The following NUP160 variants were observed in gnomAD, a reference collection of about 807,000 sequenced individuals.
NUP160 encodes the protein nuclear pore complex protein Nup160.
Under a neutral mutation model 196.9 loss-of-function variants are expected in NUP160, and 94 were observed. The observed-to-expected ratio is 0.48, with a 90% CI of 0.40 to 0.57. NUP160 has a LOEUF of 0.57. Among genes scored for constraint, NUP160 ranks in the 20% least tolerant of loss-of-function variants. The pLI is 0.00. For missense variants in NUP160, 1,638 were observed against 1,748.3 expected, an observed-to-expected ratio of 0.94 and a Z score of 1.13; for synonymous variants, 605 against 619.7, an observed-to-expected ratio of 0.98 and a Z score of 0.35.
intron 33 of NUP160, among the ~76,000 whole-genome samples, chr11:47,784,295 T>G (rs1444331523): frequency 6.6e-6 from 1 of 152,204 alleles, no homozygotes; most frequent in Non-Finnish European, 1.5e-5. Flanking sequence ...GCAGACAGTC[T>G]AAGAACCCGT....
At chr11:47,795,265 T>G (rs1235406473) in intron 27 of NUP160, among the ~76,000 whole-genome samples, 1 of 152,230 alleles carries the variant, frequency 6.6e-6, no homozygotes, top group Non-Finnish European at 1.5e-5. Context: ...TCAACAAATA[T>G]TTTTGAATAC....
intron 23 of NUP160, among the ~76,000 whole-genome samples, chr11:47,798,675 T>A (rs4752793): frequency 0.97 from 147,752 of 152,080 alleles, 71,895 homozygotes; most frequent in Middle Eastern, 1. Flanking sequence ...AAAATTTTTT[T>A]AAAAATTAGC....
At position 47,822,174 on chromosome 11, in the gene NUP160, C is replaced by A; in HGVS notation, c.1102-10G>T. 1 of 1,557,746 alleles carries A rather than the reference C, an allele frequency of 6.4e-7. No individual in the cohort carries two copies. Among genetic ancestry groups the A allele is most frequent in the Non-Finnish European group, 8.8e-7 (1 of 1,130,934 alleles). ...ACTGGAAAATGCAGAACTGTTAAAA[C>A]ACAAGATGATCATTTATTACCTGAA... On this transcript the variant is annotated splice_polypyrimidine_tract_variant and intron_variant, in intron 7 of 35. Coordinates refer to ENST00000378460, the Ensembl canonical transcript of NUP160.
chr11:47,794,320 C>T (rs1487256039), intron 27 of NUP160, among the ~76,000 whole-genome samples: 6 of 152,098 alleles, frequency 3.9e-5, no homozygotes, highest in East Asian at 1.9e-4. Flanking sequence ...GGTGAAACCC[C>T]GTCTCTACTA....
intron 21 of NUP160, among the ~76,000 whole-genome samples, chr11:47,803,928 G>A (rs1248883650): frequency 6.6e-6 from 1 of 152,142 alleles, no homozygotes; most frequent in African/African-American, 2.4e-5. Flanking sequence ...GCTCATGCCT[G>A]TAATCCCAGC....
intron 27 of NUP160, among the ~76,000 whole-genome samples, chr11:47,795,698 T>C (rs533851048): frequency 4.6e-5 from 7 of 152,280 alleles, no homozygotes; most frequent in Admixed American, 3.9e-4. Context: ...CAAATTAAGA[T>C]ACATTCTACA....
intron 19 of NUP160, 138 bp downstream of exon 19, chr11:47,806,932 G>A: frequency 1.6e-6 from 1 of 613,172 alleles, no homozygotes; most frequent in African/African-American, 1.9e-5. Context: ...GGAGATCTCA[G>A]GCCACAGCTT....
intron 18 of NUP160, among the ~76,000 whole-genome samples, chr11:47,807,471 G>A (rs569800273): frequency 2.0e-5 from 3 of 152,180 alleles, no homozygotes; most frequent in African/African-American, 7.2e-5. Context: ...TTCAAGACCA[G>A]CCTGGCCAAC....
chr11:47,829,416 G>A (rs1182946548), intron 7 of NUP160, among the ~76,000 whole-genome samples: 7 of 152,050 alleles, frequency 4.6e-5, no homozygotes, highest in Admixed American at 3.3e-4. Context: ...AGCAATTCTC[G>A]TGCCTCAGCC....
rs34563280 is a variant in NUP160, at chr11:47,789,944, C to CT, written c.3512-1334dup. On this transcript the variant is annotated intron_variant, in intron 29 of 35. Transcript: ENST00000378460. ...CATATTTTGTATTTTATATACTGTA[C>CT]TTTTTTTTTTTTTTTTTTGAGACAG... 9.8e-3 allele frequency among the ~76,000 whole-genome samples: 1,269 copies of CT among 130,114 alleles called. 6 individuals are homozygous for CT. The highest frequency in any genetic ancestry group is 0.024 in the Middle Eastern group (6 of 252). 85.4% of individuals were successfully genotyped at this position (130,114 alleles called of 152,430 possible). A position where few individuals can be genotyped will look rare whatever the true frequency, so the allele number is the denominator to read the frequency against.
At chr11:47,845,860 C>T (rs1056843357) in intron 2 of NUP160, among the ~76,000 whole-genome samples, 27 of 152,026 alleles carry the variant, frequency 1.8e-4, no homozygotes, top group South Asian at 8.3e-4. Flanking sequence ...AGGCTGGACA[C>T]GGTGGCTTAC....
intron 7 of NUP160, among the ~76,000 whole-genome samples, chr11:47,822,876 G>A (rs917988098): frequency 6.6e-6 from 1 of 152,086 alleles, no homozygotes; most frequent in Admixed American, 6.6e-5. Context: ...AGCTTCATCC[G>A]TGTCCCTACA....
chr11:47,826,159 C>CA (rs1468087317), intron 7 of NUP160, among the ~76,000 whole-genome samples: 8 of 152,024 alleles, frequency 5.3e-5, no homozygotes, highest in Non-Finnish European at 1.5e-5. Context: ...AACAAACAAA[C>CA]AAACAAACAA....
At chr11:47,839,753 G>A in intron 4 of NUP160, 90 bp downstream of exon 4, 1 of 1,070,422 alleles carries the variant, frequency 9.3e-7, no homozygotes, top group Non-Finnish European at 1.4e-6. Context: ...CAGTAGAGAT[G>A]CAATCCCTGC....
At chr11:47,791,490 C>T (rs2097667867) in intron 29 of NUP160, among the ~76,000 whole-genome samples, 2 of 152,092 alleles carry the variant, frequency 1.3e-5, no homozygotes, top group Admixed American at 6.6e-5. Context: ...CAGGTGAGGG[C>T]CACTACTGCC....
chr11:47,848,326 C>T (rs1245929503), exon 1 of NUP160: 2 of 1,613,744 alleles, frequency 1.2e-6, no homozygotes, highest in Non-Finnish European at 8.5e-7. Context: ...CATCTTCCCG[C>T]CGTCGCCGCG....
chr11:47,783,328 C>A, intron 33 of NUP160, 130 bp from the exon 34 acceptor site: 1 of 1,159,268 alleles, frequency 8.6e-7, no homozygotes. Flanking sequence ...GCTTGGTTTA[C>A]TCATCTGTAT....
At chr11:47,802,215 G>A (rs770041596) in intron 22 of NUP160, among the ~76,000 whole-genome samples, 1 of 151,778 alleles carries the variant, frequency 6.6e-6, no homozygotes, top group Admixed American at 6.6e-5. Flanking sequence ...GGTGGATCAC[G>A]AGGTGAGGAG....
At chr11:47,791,071 T>C (rs2097667631) in intron 29 of NUP160, among the ~76,000 whole-genome samples, 2 of 152,186 alleles carry the variant, frequency 1.3e-5, no homozygotes, top group African/African-American at 4.8e-5. Flanking sequence ...GGATTTTCAA[T>C]ATGAGATAAA....
Sources: gnomAD v4.1 joint callset for allele counts (sites outside exome capture counted in the v4.1 genomes callset) on GRCh38, gnomAD v4.1.1 for gene constraint, MANE v1.5 for transcripts, NCBI Gene and HGNC (gene_info 2026-07-23, HGNC 2026-07-21) for gene names.